Variants in KLF8 observed in about 807,000 individuals in gnomAD.
KLF8 encodes Krueppel-like factor 8.
A neutral mutation model predicts 18.2 loss-of-function variants in KLF8; 10 were observed. The ratio of observed to expected loss-of-function variants is 0.55; its 90% confidence interval spans 0.34 to 0.93. The LOEUF is 0.93. KLF8 is among the 40% of genes least tolerant of loss of function. The pLI is 0.02. For missense variants in KLF8, 264 were observed against 277.9 expected (o/e 0.95, Z 0.36); for synonymous variants, 109 against 97.3 (o/e 1.12, Z -0.71).
chrX:56,195,412 A>G, the KLF8 span, among the ~76,000 whole-genome samples: 12 of 112,383 alleles, frequency 1.1e-4, no homozygotes, highest in African/African-American at 3.2e-4. Context: ...GCTGAAAACC[A>G]TGGTTTGAGA....
the KLF8 span, among the ~76,000 whole-genome samples, chrX:56,113,156 C>T: frequency 9.3e-6 from 1 of 107,316 alleles, no homozygotes; most frequent in Non-Finnish European, 1.9e-5. Flanking sequence ...AGAGATTATG[C>T]CACTGCACTC....
chrX:56,124,432 G>T, the KLF8 span, among the ~76,000 whole-genome samples: 4 of 112,244 alleles, frequency 3.6e-5, no homozygotes, highest in Non-Finnish European at 7.5e-5. Flanking sequence ...ACTGGCTTCA[G>T]TGACCAGTCT....
the KLF8 span, among the ~76,000 whole-genome samples, chrX:56,036,511 G>A: frequency 2.7e-5 from 3 of 111,794 alleles, no homozygotes. Context: ...TAGTATTTGT[G>A]TTCTGTTTTC....
the KLF8 span, chrX:55,961,611 G>T: frequency 2.2e-6 from 1 of 449,328 alleles, no homozygotes; most frequent in East Asian, 4.4e-5. Flanking sequence ...CTGGAACTGC[G>T]ACCTTAACGA....
chrX:56,089,644 GA>G, the KLF8 span, among the ~76,000 whole-genome samples: 22 of 112,371 alleles, frequency 2.0e-4, no homozygotes, highest in African/African-American at 6.8e-4. Flanking sequence ...ACAGACAGGT[GA>G]ATACAGAGAA....
the KLF8 span, among the ~76,000 whole-genome samples, chrX:56,169,317 G>A: frequency 1.8e-5 from 2 of 111,583 alleles, no homozygotes; most frequent in Admixed American, 1.9e-4. Flanking sequence ...AAGGTGGAGG[G>A]AAAAGTAAAG....
the KLF8 span, among the ~76,000 whole-genome samples, chrX:56,045,910 CGTT>C: frequency 9.0e-6 from 1 of 111,502 alleles, no homozygotes; most frequent in Admixed American, 9.6e-5. Flanking sequence ...AAGCAGGCAT[CGTT>C]GTCTCTTCCC....
chrX:56,149,568 C>T, the KLF8 span, among the ~76,000 whole-genome samples: 1 of 110,529 alleles, frequency 9.0e-6, no homozygotes. Flanking sequence ...TGCACATATA[C>T]GCCCTGAATC....
the KLF8 span, among the ~76,000 whole-genome samples, chrX:55,950,284 G>A: frequency 2.7e-5 from 3 of 110,906 alleles, no homozygotes; most frequent in African/African-American, 9.8e-5. Flanking sequence ...TGGTTGTCAT[G>A]AGTTAGTCCT....
chrX:56,147,744 C>A, the KLF8 span, among the ~76,000 whole-genome samples: 16 of 111,901 alleles, frequency 1.4e-4, no homozygotes, highest in Non-Finnish European at 2.3e-4. Context: ...TTTGGGAGAC[C>A]GAGGTGGGTG....
chrX:55,943,000 A>G, the KLF8 span, among the ~76,000 whole-genome samples: 581 of 111,834 alleles, frequency 5.2e-3, no homozygotes, highest in African/African-American at 0.015. Flanking sequence ...TTCAGCTTAG[A>G]TGGTAGCAGT....
At chrX:56,003,660 G>A in the KLF8 span, among the ~76,000 whole-genome samples, 1 of 111,580 alleles carries the variant, frequency 9.0e-6, no homozygotes, top group East Asian at 2.8e-4. Context: ...AAAAATTCCT[G>A]GGCAAGGTGA....
At chrX:56,050,999 A>T in the KLF8 span, among the ~76,000 whole-genome samples, 1 of 109,824 alleles carries the variant, frequency 9.1e-6, no homozygotes, top group Non-Finnish European at 1.9e-5. Flanking sequence ...TTCTTGTTGA[A>T]TTGATCCCTT....
chrX:56,130,238 G>A, the KLF8 span, among the ~76,000 whole-genome samples: 4 of 111,075 alleles, frequency 3.6e-5, no homozygotes, highest in African/African-American at 1.3e-4. Flanking sequence ...TGCGACTAAG[G>A]GCACTCACAG....
the KLF8 span, among the ~76,000 whole-genome samples, chrX:56,093,903 A>ATGTG: frequency 1.0e-4 from 8 of 77,723 alleles, no homozygotes; most frequent in Non-Finnish European, 1.4e-4. Context: ...CGTATATATT[A>ATGTG]TATGTGTGTG....
At chrX:56,146,649 A>C in the KLF8 span, among the ~76,000 whole-genome samples, 1 of 108,947 alleles carries the variant, frequency 9.2e-6, no homozygotes, top group Non-Finnish European at 1.9e-5. Context: ...CCACCATGGC[A>C]TGTGTATACC....
intron 2 of KLF8, among the ~76,000 whole-genome samples, chrX:56,258,316 A>C (rs1199265932): frequency 2.7e-5 from 3 of 112,313 alleles, no homozygotes; most frequent in Non-Finnish European, 5.6e-5. Flanking sequence ...TCTGTCACCC[A>C]GGCTTGAGTG....
At chrX:55,996,187 C>G in the KLF8 span, among the ~76,000 whole-genome samples, 4 of 111,751 alleles carry the variant, frequency 3.6e-5, no homozygotes, top group Admixed American at 2.8e-4. Context: ...TTATGAAATT[C>G]TTGTAGGGAG....
chrX:56,080,737 A>T, the KLF8 span, among the ~76,000 whole-genome samples: 1 of 111,812 alleles, frequency 8.9e-6, no homozygotes, highest in Non-Finnish European at 1.9e-5. Context: ...AATATCCTGC[A>T]GAGTGTTTTC....
Sources: allele counts gnomAD v4.1 joint callset (sites outside exome capture counted in the v4.1 genomes callset), GRCh38; gene constraint gnomAD v4.1.1; transcripts MANE v1.5; gene names NCBI Gene and HGNC (gene_info 2026-07-23, HGNC 2026-07-21).